The following PRKN variants were observed in gnomAD, a reference collection of about 807,000 sequenced individuals.
PRKN encodes the protein parkin RBR E3 ubiquitin protein ligase, also known as E3 ubiquitin-protein ligase parkin.
In PRKN, 56 loss-of-function variants were observed where a neutral mutation model predicts 59.5. That is an observed-to-expected ratio of 0.94 (90% CI 0.76 to 1.18). PRKN has a LOEUF of 1.18. Ranked by LOEUF, PRKN falls within the 50% of genes most tolerant of loss-of-function variation. PRKN has a pLI of 0.00. For missense variants in PRKN, 657 were observed against 596.4 expected, an observed-to-expected ratio of 1.10 and a Z score of -1.06; for synonymous variants, 250 against 222.1, an observed-to-expected ratio of 1.13 and a Z score of -1.12.
At chr6:162,591,056 G>A (rs547135031) in intron 1 of PRKN, among the ~76,000 whole-genome samples, 44 of 152,134 alleles carry the variant, frequency 2.9e-4, no homozygotes, top group South Asian at 4.1e-4. Flanking sequence ...CCTGAATGGC[G>A]CACTCCTTCC....
chr6:162,087,630 C>G (rs1196417191), intron 4 of PRKN, among the ~76,000 whole-genome samples: 1 of 139,634 alleles, frequency 7.2e-6, no homozygotes, highest in African/African-American at 2.7e-5. Flanking sequence ...AGTCTCGCTC[C>G]GTCACCAGGC....
intron 6 of PRKN, among the ~76,000 whole-genome samples, chr6:161,969,559 G>GGGA: frequency 6.6e-6 from 1 of 151,998 alleles, no homozygotes; most frequent in Non-Finnish European, 1.5e-5. Context: ...GAGGGCGTTG[G>GGGA]CATAACAGGC....
intron 7 of PRKN, among the ~76,000 whole-genome samples, chr6:161,696,134 A>G (rs983807538): frequency 6.6e-6 from 1 of 152,224 alleles, no homozygotes; most frequent in Non-Finnish European, 1.5e-5. Flanking sequence ...TTAAATAGCT[A>G]GCAGAGAGTC....
In PRKN at chr6:161,411,267, C is replaced by T. The variant is rs116060827; in HGVS notation, c.1084-24390G>A. ...GGAGATAATCGAATCATGGGGGTGG[C>T]TTTCCCCATACTGTCCTTGTGGTAG... On this transcript the variant is annotated intron_variant, in intron 9 of 11. Coordinates refer to ENST00000366898, the MANE Select transcript of PRKN (RefSeq NM_004562.3). 3.6e-3 allele frequency among the ~76,000 whole-genome samples: 551 copies of T among 152,190 alleles called. 7 individuals are homozygous for T. The highest frequency in any genetic ancestry group is 0.013 in the African/African-American group (522 of 41,484).
intron 6 of PRKN, among the ~76,000 whole-genome samples, chr6:161,854,002 T>A (rs938720304): frequency 1.3e-5 from 2 of 150,446 alleles, no homozygotes; most frequent in African/African-American, 4.9e-5. Context: ...TCCCAACACT[T>A]CGGGAGACCA....
At chr6:162,551,692 T>C (rs1457843836) in intron 1 of PRKN, among the ~76,000 whole-genome samples, 5 of 152,110 alleles carry the variant, frequency 3.3e-5, no homozygotes, top group South Asian at 4.2e-4. Context: ...GCAGAGTAAG[T>C]TCATACAGAA....
intron 1 of PRKN, among the ~76,000 whole-genome samples, chr6:162,468,764 G>A (rs770895036): frequency 3.9e-5 from 6 of 152,178 alleles, no homozygotes; most frequent in Non-Finnish European, 8.8e-5. Flanking sequence ...TTACCTAGAA[G>A]GGTGCATAAG....
chr6:162,679,953 C>T (rs902604475), intron 1 of PRKN, among the ~76,000 whole-genome samples: 5 of 152,158 alleles, frequency 3.3e-5, no homozygotes, highest in African/African-American at 1.2e-4. Context: ...CCTACTGTAA[C>T]TCCCTTGCTC....
rs1780454203 is a variant in PRKN at position 161,561,531 on chromosome 6, A to G, written c.933+7824T>C. Among the ~76,000 whole-genome samples the G allele has an allele frequency of 6.6e-6, 1 of 152,024 alleles. No homozygotes were observed. The highest frequency in any genetic ancestry group is 2.4e-5 in the African/African-American group (1 of 41,392). On this transcript the variant is annotated intron_variant, in intron 8 of 11. Coordinates refer to ENST00000366898, the MANE Select transcript of PRKN (RefSeq NM_004562.3). The surrounding 1 kb of genome is among the most constrained non-coding windows in gnomAD (Gnocchi z 5.0). ...TTCCTTCGTGGAGCCATCATACTGC[A>G]TCTCTCCTCTTCACATCCCTGCAAC...
chr6:161,824,412 G>C (rs1236140458), intron 6 of PRKN, among the ~76,000 whole-genome samples: 1 of 152,144 alleles, frequency 6.6e-6, no homozygotes, highest in Admixed American at 6.5e-5. Context: ...TACGCTTTTT[G>C]TTTATTTTAA....
At chr6:162,159,933 C>T (rs1283986348) in intron 4 of PRKN, among the ~76,000 whole-genome samples, 1 of 152,058 alleles carries the variant, frequency 6.6e-6, no homozygotes, top group Non-Finnish European at 1.5e-5. Flanking sequence ...TTTCATAGTC[C>T]TAAATATGAA....
intron 7 of PRKN, among the ~76,000 whole-genome samples, chr6:161,612,167 G>A (rs1294823994): frequency 6.6e-6 from 1 of 152,184 alleles, no homozygotes; most frequent in African/African-American, 2.4e-5. Flanking sequence ...AGGTGAAGCA[G>A]CAAGTGCTGA....
rs1203744791 is a variant in PRKN at position 161,428,381 on chromosome 6, A to C, written c.1084-41504T>G. 6.6e-6 allele frequency among the ~76,000 whole-genome samples: 1 copy of C among 152,070 alleles called. No individual in the cohort carries two copies. Among genetic ancestry groups the C allele is most frequent in the Non-Finnish European group, 1.5e-5 (1 of 68,016 alleles). On this transcript the variant is annotated intron_variant, in intron 9 of 11. Coordinates refer to ENST00000366898, the MANE Select transcript of PRKN (RefSeq NM_004562.3). The surrounding 1 kb of genome is among the most constrained non-coding windows in gnomAD (Gnocchi z 4.0). ...GAGGCAGGACGGGCTGCTGGGGTGG[A>C]GAGTGCAGACAGAAGCCTGCCATCC...
chr6:162,250,244 T>G (rs1779375814), intron 3 of PRKN, among the ~76,000 whole-genome samples: 1 of 152,006 alleles, frequency 6.6e-6, no homozygotes, highest in Non-Finnish European at 1.5e-5. Context: ...ATGGGCCAAA[T>G]AGACAACTAG....
rs189169864 is a variant in PRKN at position 162,675,971 on chromosome 6, G to T, written c.7+51691C>A. On this transcript the variant is annotated intron_variant, in intron 1 of 11. Transcript: ENST00000366898. ...ACAAAAGTATGTGTAATTATTCAAA[G>T]CATAAAAACCTGCAATTTCAAATCA... Among the ~76,000 whole-genome samples, 3 of 152,234 alleles carry T rather than the reference G, an allele frequency of 2.0e-5. No individual in the cohort carries two copies. In the East Asian group the frequency reaches 5.8e-4, roughly 29 times the overall value.
At chr6:161,421,813 G>A (rs1788121308) in intron 9 of PRKN, among the ~76,000 whole-genome samples, 2 of 152,130 alleles carry the variant, frequency 1.3e-5, no homozygotes, top group African/African-American at 4.8e-5. Context: ...TTTGAAATAC[G>A]TTCTTGAAAT....
chr6:161,577,807 C>G (rs1355717459), intron 7 of PRKN, among the ~76,000 whole-genome samples: 1 of 152,126 alleles, frequency 6.6e-6, no homozygotes, highest in Non-Finnish European at 1.5e-5. Context: ...GGGTCAGCTT[C>G]TAGTGGCTAT....
In PRKN at chr6:161,356,320, G is replaced by C. The variant is rs1784747029; in HGVS notation, c.1285+3768C>G. Among the ~76,000 whole-genome samples the C allele has an allele frequency of 6.6e-6, 1 of 152,176 alleles. No individual in the cohort carries two copies. Among genetic ancestry groups the C allele is most frequent in the Non-Finnish European group, 1.5e-5 (1 of 68,020 alleles). On this transcript the variant is annotated intron_variant, in intron 11 of 11. Coordinates refer to ENST00000366898, the MANE Select transcript of PRKN (RefSeq NM_004562.3). The surrounding 1 kb of genome is among the most constrained non-coding windows in gnomAD (Gnocchi z 7.8). ...TCTGACTGAGAAGAGGTCAGCTGGG[G>C]TAAGATCTGAAGGACAGGAAGGAGC...
At chr6:162,151,553 C>T (rs1307852635) in intron 4 of PRKN, among the ~76,000 whole-genome samples, 2 of 152,136 alleles carry the variant, frequency 1.3e-5, no homozygotes, top group African/African-American at 4.8e-5. Context: ...ACTGAGCAGC[C>T]ACAAGAAAAC....
Sources: gnomAD v4.1 joint callset for allele counts (sites outside exome capture counted in the v4.1 genomes callset) on GRCh38, gnomAD v4.1.1 for gene constraint, Gnocchi (gnomAD v3.1) non-coding constraint, MANE v1.5 for transcripts, NCBI Gene and HGNC (gene_info 2026-07-23, HGNC 2026-07-21) for gene names.